The following PCDHA4 variants were observed in gnomAD, a reference collection of about 807,000 sequenced individuals.
PCDHA4 encodes the protein protocadherin alpha-4.
A neutral mutation model predicts 61.4 loss-of-function variants in PCDHA4; 49 were observed. The ratio of observed to expected loss-of-function variants is 0.80; its 90% CI spans 0.63 to 1.01. The LOEUF is 1.01. Among genes scored for constraint, PCDHA4 ranks in the 50% least tolerant of loss-of-function variants. The pLI is 0.00. For synonymous variants in PCDHA4, 590 were observed against 550.3 expected (o/e 1.07, Z -1.01); for missense variants, 1,254 against 1,235.8 (o/e 1.01, Z -0.22).
At position 140,808,549 on chromosome 5, in the gene PCDHA4, G is replaced by T. The variant is rs782013709; in HGVS notation, c.1362G>T (p.Ala454=). Residue 454 remains alanine, a synonymous_variant, in exon 1 of 4, where the codon GCG becomes GCT. Coordinates refer to ENST00000530339, the MANE Select transcript of PCDHA4 (RefSeq NM_018907.4). Reference sequence around the variant, plus strand: ...CTGATGTGAACGACAACGCTCCGGCGTTCGCGCAGCCCGAGTACACAGTGT... The same window carrying T: ...CTGATGTGAACGACAACGCTCCGGCTTTCGCGCAGCCCGAGTACACAGTGT... ...EVADVNDNAP[A]FAQPEYTVFV... The T allele has an allele frequency of 6.2e-7, 1 of 1,614,016 alleles. No homozygotes were observed. The highest frequency in any genetic ancestry group is 1.3e-5 in the African/African-American group (1 of 74,954).
rs377370256 is a variant in PCDHA4 at position 140,966,811 on chromosome 5, G to A, written c.2386-12138G>A. On this transcript the variant is annotated intron_variant, in intron 1 of 3. Transcript: ENST00000530339. ...GACCTGCGGCGACAGAGCATCCACGGCTCCGGCGGCCCATGCCCTGGCTGC... is the reference window on the plus strand; with the variant it reads ...GACCTGCGGCGACAGAGCATCCACGACTCCGGCGGCCCATGCCCTGGCTGC... The A allele has an allele frequency of 1.4e-5, 21 of 1,549,722 alleles. No individual in the cohort carries two copies. The African/African-American group carries it at 2.6e-4, about 19-fold the overall frequency.
At chr5:140,823,670 C>G (rs1434393757) in intron 1 of PCDHA4, 4 of 1,614,038 alleles carry the variant, frequency 2.5e-6, no homozygotes, top group Non-Finnish European at 3.4e-6. Flanking sequence ...GAGATCAGCA[C>G]AACACGCTCT....
intron 3 of PCDHA4, among the ~76,000 whole-genome samples, chr5:141,007,395 C>CAA (rs35800918): frequency 2.8e-4 from 27 of 94,848 alleles, no homozygotes; most frequent in South Asian, 7.0e-4. Context: ...TACTAAAATA[C>CAA]AAAAAAAAAA....
chr5:141,002,555 A>C (rs1349538713), intron 3 of PCDHA4, among the ~76,000 whole-genome samples: 1 of 152,222 alleles, frequency 6.6e-6, no homozygotes, highest in Admixed American at 6.5e-5. Context: ...CCCAGGATCC[A>C]CCAGTTAGTG....
intron 1 of PCDHA4, chr5:140,870,676 G>A (rs561705674): frequency 1.9e-6 from 3 of 1,612,702 alleles, no homozygotes; most frequent in African/African-American, 1.3e-5. Flanking sequence ...GTTGGACCAC[G>A]AGGAGCTGGA....
chr5:140,864,153 T>C (rs1209982386), intron 1 of PCDHA4: 8 of 152,216 alleles, frequency 5.3e-5, no homozygotes, highest in African/African-American at 1.9e-4. Context: ...AATGAGAAAG[T>C]TAAATCTTAC....
chr5:140,920,133 C>A (rs1463322279), intron 1 of PCDHA4, among the ~76,000 whole-genome samples: 7 of 152,178 alleles, frequency 4.6e-5, no homozygotes, highest in African/African-American at 1.4e-4. Flanking sequence ...AGTTTTAATT[C>A]TCCTCTCCAA....
At chr5:140,943,275 AAAG>A (rs1197372058) in intron 1 of PCDHA4, among the ~76,000 whole-genome samples, 86 of 137,844 alleles carry the variant, frequency 6.2e-4, no homozygotes, top group African/African-American at 2.2e-3. Flanking sequence ...AAAAAAAAAA[AAAG>A]AAAGAAAGAA....
chr5:140,858,282 G>A (rs782040852), intron 1 of PCDHA4: 1 of 1,597,598 alleles, frequency 6.3e-7, no homozygotes, highest in Admixed American at 1.7e-5. Context: ...GCGGTGGGGA[G>A]CTGGTCTTAC....
In PCDHA4 at chr5:140,807,523, G is replaced by A; in HGVS notation, c.336G>A (p.Arg112=). The A allele has an allele frequency of 6.2e-7, 1 of 1,614,104 alleles. No homozygotes were observed. The highest frequency in any genetic ancestry group is 1.1e-5 in the South Asian group (1 of 91,070). The change falls in exon 1 of 4, where the codon AGG becomes AGA. Residue 112 remains arginine (R), a synonymous_variant. Coordinates refer to ENST00000530339, the MANE Select transcript of PCDHA4 (RefSeq NM_018907.4). ...TCCACCTGGAGGTGATCGTAGACAGGCCGCTGCAGGTTTTCCATGTGGACG... is the reference window on the plus strand; with the variant it reads ...TCCACCTGGAGGTGATCGTAGACAGACCGCTGCAGGTTTTCCATGTGGACG... ...CSIHLEVIVD[R]PLQVFHVDVE...
At position 140,935,795 on chromosome 5, in the gene PCDHA4, C is replaced by CTT. The variant is rs555560136; in HGVS notation, c.2386-43154_2386-43153insTT. ...GAGTTTTTTCACTTAAAAATATAAA[C>CTT]GAGATTATTTCATAGTAGTATAGTA... On this transcript the variant is annotated intron_variant, in intron 1 of 3. Coordinates refer to ENST00000530339, the MANE Select transcript of PCDHA4 (RefSeq NM_018907.4). 5.4e-3 allele frequency among the ~76,000 whole-genome samples: 824 copies of CTT among 151,876 alleles called. 3 individuals are homozygous for CTT. Among genetic ancestry groups the CTT allele is most frequent in the African/African-American group, 0.019 (793 of 41,436 alleles).
intron 1 of PCDHA4, among the ~76,000 whole-genome samples, chr5:140,932,599 A>G (rs2088459196): frequency 6.6e-6 from 1 of 151,912 alleles, no homozygotes; most frequent in Non-Finnish European, 1.5e-5. Context: ...TTGTATATCT[A>G]TTTTGACTTT....
intron 3 of PCDHA4, among the ~76,000 whole-genome samples, chr5:140,987,991 T>C (rs1243117535): frequency 6.6e-6 from 1 of 152,232 alleles, no homozygotes; most frequent in Non-Finnish European, 1.5e-5. Context: ...ACTCCATCTC[T>C]GATCCTTCCC....
At chr5:140,887,108 T>A (rs2061306818) in intron 1 of PCDHA4, among the ~76,000 whole-genome samples, 1 of 152,084 alleles carries the variant, frequency 6.6e-6, no homozygotes, top group Non-Finnish European at 1.5e-5. Context: ...TCTCTTTTTT[T>A]TTTTTTGAGA....
intron 1 of PCDHA4, chr5:140,851,866 C>T (rs1486270411): frequency 2.0e-6 from 2 of 976,572 alleles, no homozygotes; most frequent in South Asian, 9.5e-5. Flanking sequence ...TCATACATAA[C>T]ACAAGGCAGA....
intron 1 of PCDHA4, among the ~76,000 whole-genome samples, chr5:140,955,338 C>T (rs1232401709): frequency 6.6e-6 from 1 of 152,062 alleles, no homozygotes; most frequent in African/African-American, 2.4e-5. Flanking sequence ...TCCCATAATC[C>T]CCACATGTTG....
chr5:140,856,036 A>G (rs1554148102), intron 1 of PCDHA4: 5 of 1,567,408 alleles, frequency 3.2e-6, no homozygotes, highest in Non-Finnish European at 4.3e-6. Flanking sequence ...TTGTAAAACA[A>G]GAGAAGGATA....
chr5:140,884,449 C>T, intron 1 of PCDHA4: 1 of 1,613,826 alleles, frequency 6.2e-7, no homozygotes, highest in Non-Finnish European at 8.5e-7. Context: ...CGGCACCGCC[C>T]ACCGAGGGCG....
chr5:140,830,269 A>T, intron 1 of PCDHA4: 6 of 1,613,514 alleles, frequency 3.7e-6, no homozygotes, highest in Non-Finnish European at 5.1e-6. Flanking sequence ...GCTCGGCGCC[A>T]CCCACCGAGG....
Sources: allele counts gnomAD v4.1 joint callset (sites outside exome capture counted in the v4.1 genomes callset), GRCh38; gene constraint gnomAD v4.1.1; transcripts MANE v1.5; gene names NCBI Gene and HGNC (gene_info 2026-07-23, HGNC 2026-07-21).